Variants in HCN1 observed in about 807,000 individuals in gnomAD.
HCN1 encodes potassium/sodium hyperpolarization-activated cyclic nucleotide-gated channel 1.
In HCN1, 13 loss-of-function variants were observed where a neutral mutation model predicts 78.9. That is an observed-to-expected ratio of 0.16 (90% CI 0.11 to 0.26). The LOEUF (loss-of-function observed/expected upper bound fraction) is 0.26, where lower values mean the gene tolerates loss of function less well. Among genes scored for constraint, HCN1 ranks in the 10% least tolerant of loss-of-function variants. The pLI is 1.00. For missense variants in HCN1, 810 were observed against 1,154.3 expected, an observed-to-expected ratio of 0.70 and a Z score of 4.32; for synonymous variants, 552 against 455.5, an observed-to-expected ratio of 1.21 and a Z score of -2.70.
intron 1 of HCN1, among the ~76,000 whole-genome samples, chr5:45,660,675 T>G (rs1345675340): frequency 1.4e-5 from 2 of 144,294 alleles, no homozygotes; most frequent in East Asian, 4.2e-4. Context: ...TAAAACAGAC[T>G]TTAAACCAAC....
intron 3 of HCN1, among the ~76,000 whole-genome samples, chr5:45,413,743 T>C (rs1740067446): frequency 6.6e-6 from 1 of 152,004 alleles, no homozygotes; most frequent in Non-Finnish European, 1.5e-5. Flanking sequence ...ACATTAGCCA[T>C]ATAGGAAAAT....
chr5:45,600,505 T>C (rs1274654270), intron 2 of HCN1, among the ~76,000 whole-genome samples: 3 of 152,150 alleles, frequency 2.0e-5, no homozygotes, highest in Non-Finnish European at 4.4e-5. Context: ...TTCTTTTGCA[T>C]GTAAAATTAT....
At chr5:45,331,821 C>A (rs1431944846) in intron 5 of HCN1, among the ~76,000 whole-genome samples, 1 of 151,390 alleles carries the variant, frequency 6.6e-6, no homozygotes, top group Admixed American at 6.6e-5. Context: ...AAATCACTAC[C>A]ACCACCATCA....
chr5:45,633,773 T>C (rs753058633), intron 2 of HCN1, among the ~76,000 whole-genome samples: 1 of 151,972 alleles, frequency 6.6e-6, no homozygotes, highest in Non-Finnish European at 1.5e-5. Flanking sequence ...TAGTATATAA[T>C]TACATATGCA....
chr5:45,675,721 C>A (rs1452805440), intron 1 of HCN1, among the ~76,000 whole-genome samples: 1 of 151,752 alleles, frequency 6.6e-6, no homozygotes, highest in Non-Finnish European at 1.5e-5. Context: ...CCACTTGCAT[C>A]CAAGCAGTTT....
chr5:45,354,010 T>A (rs1199052431), intron 4 of HCN1, among the ~76,000 whole-genome samples: 2 of 151,698 alleles, frequency 1.3e-5, no homozygotes, highest in African/African-American at 4.8e-5. Flanking sequence ...ATCTGCCTAT[T>A]TATATTTATA....
At chr5:45,304,606 C>T (rs750368904) in intron 5 of HCN1, among the ~76,000 whole-genome samples, 16 of 151,914 alleles carry the variant, frequency 1.1e-4, no homozygotes, top group African/African-American at 1.7e-4. Flanking sequence ...ACCCAGGAGG[C>T]GGAGATTGCA....
chr5:45,431,189 A>T (rs1740455162), intron 3 of HCN1, among the ~76,000 whole-genome samples: 3 of 152,242 alleles, frequency 2.0e-5, no homozygotes, highest in Non-Finnish European at 4.4e-5. Context: ...TTCTCTAATG[A>T]TTAGTAATGT....
At chr5:45,557,692 A>C (rs889286020) in intron 2 of HCN1, among the ~76,000 whole-genome samples, 1 of 151,912 alleles carries the variant, frequency 6.6e-6, no homozygotes, top group Non-Finnish European at 1.5e-5. Flanking sequence ...CTTTGTTACT[A>C]TATCTGTTAT....
At chr5:45,393,109 C>T (rs1421962711) in intron 4 of HCN1, among the ~76,000 whole-genome samples, 3 of 152,114 alleles carry the variant, frequency 2.0e-5, no homozygotes, top group African/African-American at 7.2e-5. Flanking sequence ...TTGATAACTT[C>T]CTCACATATT....
chr5:45,673,881 T>A (rs1176429308), intron 1 of HCN1, among the ~76,000 whole-genome samples: 1 of 151,614 alleles, frequency 6.6e-6, no homozygotes, highest in East Asian at 1.9e-4. Flanking sequence ...GAAATTCTAA[T>A]ACTAATTTAT....
intron 2 of HCN1, among the ~76,000 whole-genome samples, chr5:45,554,662 C>T (rs1440940581): frequency 6.6e-6 from 1 of 151,700 alleles, no homozygotes; most frequent in Non-Finnish European, 1.5e-5. Flanking sequence ...CAGGATAATA[C>T]TTAAGGCAAG....
At chr5:45,549,809 C>A (rs1170014093) in intron 2 of HCN1, among the ~76,000 whole-genome samples, 1 of 151,714 alleles carries the variant, frequency 6.6e-6, no homozygotes, top group Admixed American at 6.6e-5. Context: ...AAGAAAAAAG[C>A]AAACAACCCC....
At chr5:45,373,091 T>A (rs1243554275) in intron 4 of HCN1, among the ~76,000 whole-genome samples, 1 of 133,134 alleles carries the variant, frequency 7.5e-6, no homozygotes, top group Non-Finnish European at 1.6e-5. Flanking sequence ...TATAAAAATA[T>A]AATATATATA....
intron 2 of HCN1, among the ~76,000 whole-genome samples, chr5:45,485,799 G>T (rs914543933): frequency 1.3e-5 from 2 of 152,152 alleles, no homozygotes; most frequent in Admixed American, 1.3e-4. Flanking sequence ...CATGTGGTGT[G>T]CAGGGGGTGA....
chr5:45,614,441 C>T (rs112807950), intron 2 of HCN1, among the ~76,000 whole-genome samples: 494 of 152,132 alleles, frequency 3.2e-3, no homozygotes, highest in African/African-American at 0.011. Context: ...ATGCTGGTGG[C>T]AGGTCATGAT....
chr5:45,625,724 G>A (rs1046362060), intron 2 of HCN1, among the ~76,000 whole-genome samples: 2 of 150,362 alleles, frequency 1.3e-5, no homozygotes, highest in South Asian at 2.1e-4. Context: ...AATTCAGTGC[G>A]AATAAAATAA....
At chr5:45,463,278 C>T (rs1292110728) in intron 2 of HCN1, among the ~76,000 whole-genome samples, 2 of 151,858 alleles carry the variant, frequency 1.3e-5, no homozygotes, top group Non-Finnish European at 2.9e-5. Flanking sequence ...TGTGATTTTG[C>T]TTTTATAAAA....
At chr5:45,442,382 A>G (rs1046653926) in intron 3 of HCN1, among the ~76,000 whole-genome samples, 2 of 152,132 alleles carry the variant, frequency 1.3e-5, no homozygotes, top group Non-Finnish European at 2.9e-5. Flanking sequence ...ATACGAAATT[A>G]TGTTTGATTA....
Sources: allele counts gnomAD v4.1 joint callset (sites outside exome capture counted in the v4.1 genomes callset), GRCh38; gene constraint gnomAD v4.1.1; transcripts MANE v1.5; gene names NCBI Gene and HGNC (gene_info 2026-07-23, HGNC 2026-07-21).